The following PTPRB variants were observed in gnomAD, a reference collection of about 807,000 sequenced individuals.
PTPRB encodes receptor-type tyrosine-protein phosphatase beta.
Under a neutral mutation model 238.1 loss-of-function variants are expected in PTPRB, and 97 were observed. The ratio of observed to expected loss-of-function variants is 0.41; its 90% CI spans 0.35 to 0.48. PTPRB has a LOEUF of 0.48. Among genes scored for constraint, PTPRB ranks in the 20% least tolerant of loss-of-function variants. PTPRB has a pLI of 0.30. For synonymous variants in PTPRB, 970 were observed against 995.4 expected, an observed-to-expected ratio of 0.97 and a Z score of 0.48; for missense variants, 2,292 against 2,681.9, an observed-to-expected ratio of 0.85 and a Z score of 3.21.
rs374125896 is a variant in PTPRB, at chr12:70,617,496, C to G, written c.708+4894G>C. On this transcript the variant is annotated intron_variant, in intron 3 of 33. Transcript: ENST00000334414. ...GAGGATGGTTTCCTTTCCCCCTCTCCCCCGCTACTTCTTTGCCCTCCTCCC... is the reference window on the plus strand; with the variant it reads ...GAGGATGGTTTCCTTTCCCCCTCTCGCCCGCTACTTCTTTGCCCTCCTCCC... 8.5e-5 allele frequency among the ~76,000 whole-genome samples: 13 copies of G among 152,258 alleles called. No individual in the cohort carries two copies. In the East Asian group the frequency reaches 2.3e-3, roughly 27 times the overall value.
Position 70,569,069 on chromosome 12 carries a change from A to C in PTPRB, c.3634+606T>G, listed in dbSNP as rs1392968690. 2.0e-5 allele frequency among the ~76,000 whole-genome samples: 3 copies of C among 152,172 alleles called. No individual in the cohort carries two copies. In the East Asian group the frequency reaches 5.8e-4, roughly 29 times the overall value. ...TAGAACTTTTGAAAAATGCATAATT[A>C]TGGAAGTCTCCTTATTAAAATTTAT... On this transcript the variant is annotated intron_variant, in intron 14 of 33. Transcript: ENST00000334414.
At chr12:70,531,278 G>A (rs1565904186) in intron 32 of PTPRB, among the ~76,000 whole-genome samples, 1 of 151,836 alleles carries the variant, frequency 6.6e-6, no homozygotes, top group South Asian at 2.1e-4. Flanking sequence ...ACAGAAGCAT[G>A]TAGAACTTTT....
chr12:70,617,323 T>A (rs955286654), intron 3 of PTPRB, among the ~76,000 whole-genome samples: 2 of 152,198 alleles, frequency 1.3e-5, no homozygotes, highest in Non-Finnish European at 2.9e-5. Context: ...TTGAAAGATG[T>A]TAATTATAAA....
At chr12:70,525,590 T>G (rs1872309286) in intron 32 of PTPRB, among the ~76,000 whole-genome samples, 1 of 151,586 alleles carries the variant, frequency 6.6e-6, no homozygotes, top group African/African-American at 2.4e-5. Context: ...TAAATAGATA[T>G]AGAAGAGTCA....
chr12:70,626,582 T>A (rs1885215198), intron 2 of PTPRB, among the ~76,000 whole-genome samples: 2 of 152,092 alleles, frequency 1.3e-5, no homozygotes, highest in South Asian at 4.1e-4. Flanking sequence ...ATACAACAAC[T>A]ATTTATATTT....
chr12:70,576,669 C>CGG lies in PTPRB; in HGVS notation c.2579-26_2579-25dup, dbSNP rs869128610. 2.5e-3 allele frequency: 288 copies of CGG among 113,392 alleles called. 10 individuals are homozygous for CGG. The highest frequency in any genetic ancestry group is 7.1e-3 in the Admixed American group (17 of 2,380). 7.0% of individuals were successfully genotyped at this position (113,392 alleles called of 1,614,324 possible). A position where few individuals can be genotyped will look rare whatever the true frequency, so the allele number is the denominator to read the frequency against. On this transcript the variant is annotated intron_variant, in intron 10 of 33. Coordinates refer to ENST00000334414, the MANE Select transcript of PTPRB (RefSeq NM_001109754.4). ...GACTGTGATTTTGAAAGGTGGGGGG[C>CGG]GGGGGGGGGGGGGAAGGGGGATTCA...
At chr12:70,612,894 G>A (rs1884521226) in intron 3 of PTPRB, among the ~76,000 whole-genome samples, 1 of 152,066 alleles carries the variant, frequency 6.6e-6, no homozygotes, top group Admixed American at 6.6e-5. Context: ...GGCTGCAGCA[G>A]GAGGATTGCT....
At chr12:70,575,222 C>G (rs1165419035) in intron 11 of PTPRB, among the ~76,000 whole-genome samples, 1 of 152,176 alleles carries the variant, frequency 6.6e-6, no homozygotes, top group African/African-American at 2.4e-5. Context: ...CCCTGCAACC[C>G]TGGAGAAGCC....
At chr12:70,626,210 G>A (rs1456821020) in intron 2 of PTPRB, among the ~76,000 whole-genome samples, 1 of 150,396 alleles carries the variant, frequency 6.6e-6, no homozygotes, top group Non-Finnish European at 1.5e-5. Flanking sequence ...AATATAATGT[G>A]CCTTTTTAAC....
chr12:70,619,328 AATG>A (rs1884824141), intron 3 of PTPRB, among the ~76,000 whole-genome samples: 1 of 149,940 alleles, frequency 6.7e-6, no homozygotes, highest in Admixed American at 6.6e-5. Context: ...TGATAATGAT[AATG>A]ATAATGATGA....
At chr12:70,547,005 C>T (rs1234565358) in intron 21 of PTPRB, among the ~76,000 whole-genome samples, 2 of 146,130 alleles carry the variant, frequency 1.4e-5, no homozygotes, top group African/African-American at 5.0e-5. Flanking sequence ...ACGAGAAGTA[C>T]TCCTTTTTTT....
intron 21 of PTPRB, among the ~76,000 whole-genome samples, chr12:70,547,156 C>A (rs574045683): frequency 6.6e-6 from 1 of 152,052 alleles, no homozygotes; most frequent in Non-Finnish European, 1.5e-5. Flanking sequence ...TGCCCAGATC[C>A]GAGTGTAATC....
At chr12:70,559,280 A>C (rs1878141354) in intron 18 of PTPRB, 63 bp downstream of exon 18, 2 of 1,488,456 alleles carry the variant, frequency 1.3e-6, no homozygotes, top group Non-Finnish European at 9.4e-7. Context: ...TATTTGAGTA[A>C]GATGTTGAAC....
chr12:70,626,134 G>T (rs1566022916), intron 2 of PTPRB, among the ~76,000 whole-genome samples: 2 of 149,108 alleles, frequency 1.3e-5, no homozygotes, highest in Admixed American at 1.3e-4. Context: ...TAACTTGAAT[G>T]AAACTCATTT....
At chr12:70,625,153 T>C (rs1885116805) in intron 2 of PTPRB, among the ~76,000 whole-genome samples, 1 of 152,208 alleles carries the variant, frequency 6.6e-6, no homozygotes, top group African/African-American at 2.4e-5. Flanking sequence ...TCAGGTCCAG[T>C]ACCCTTTCAT....
intron 31 of PTPRB, among the ~76,000 whole-genome samples, chr12:70,533,308 C>CA (rs112308022): frequency 0.044 from 6,657 of 152,206 alleles, 389 homozygotes; most frequent in African/African-American, 0.14. Context: ...GTCAAGGTTC[C>CA]AAGGACATAG....
At chr12:70,565,752 C>A (rs1458619415) in intron 15 of PTPRB, among the ~76,000 whole-genome samples, 2 of 152,142 alleles carry the variant, frequency 1.3e-5, no homozygotes, top group African/African-American at 4.8e-5. Context: ...TGAATAATGG[C>A]CCCAAAGATG....
intron 32 of PTPRB, chr12:70,525,567 T>TA (rs1453086200): frequency 1.3e-5 from 2 of 150,934 alleles, no homozygotes; most frequent in Non-Finnish European, 2.9e-5. Context: ...AAGAATTTAC[T>TA]ACTTTTGAAA....
At chr12:70,615,175 G>A (rs946625636) in intron 3 of PTPRB, among the ~76,000 whole-genome samples, 2 of 152,164 alleles carry the variant, frequency 1.3e-5, no homozygotes, top group Non-Finnish European at 2.9e-5. Context: ...TGCGCAGTCG[G>A]TAAAATTAGA....
Sources: gnomAD v4.1 joint callset for allele counts (sites outside exome capture counted in the v4.1 genomes callset) on GRCh38, gnomAD v4.1.1 for gene constraint, MANE v1.5 for transcripts, NCBI Gene and HGNC (gene_info 2026-07-23, HGNC 2026-07-21) for gene names.